Variants in DCC observed in about 807,000 individuals in gnomAD.
DCC encodes the protein netrin receptor DCC.
In DCC, 58 loss-of-function variants were observed where a neutral mutation model predicts 172.5. The observed-to-expected ratio is 0.34, with a 90% confidence interval of 0.27 to 0.42. DCC has a LOEUF of 0.42. Ranked by LOEUF, DCC falls within the 10% of genes least tolerant of loss-of-function variation. The pLI, the probability that DCC is intolerant of heterozygous loss-of-function variation, is 1.00. For synonymous variants in DCC, 709 were observed against 644.5 expected, an observed-to-expected ratio of 1.10 and a Z score of -1.52; for missense variants, 1,740 against 1,791.0, an observed-to-expected ratio of 0.97 and a Z score of 0.51.
At chr18:52,500,335 G>A (rs1178584509) in intron 1 of DCC, among the ~76,000 whole-genome samples, 1 of 152,156 alleles carries the variant, frequency 6.6e-6, no homozygotes, top group African/African-American at 2.4e-5. Flanking sequence ...AACACTTTGA[G>A]CAGAGCTGTT....
chr18:53,388,824 G>A (rs1908354699), intron 16 of DCC, among the ~76,000 whole-genome samples: 1 of 152,066 alleles, frequency 6.6e-6, no homozygotes, highest in Non-Finnish European at 1.5e-5. Context: ...TCATTCTGTT[G>A]CCCAAGCTGG....
intron 5 of DCC, among the ~76,000 whole-genome samples, chr18:53,031,938 G>T (rs1023958678): frequency 1.3e-5 from 2 of 151,976 alleles, no homozygotes; most frequent in Non-Finnish European, 2.9e-5. Flanking sequence ...TCAAAAAGGG[G>T]CATTTTGATG....
intron 5 of DCC, among the ~76,000 whole-genome samples, chr18:52,937,707 T>G (rs1030968464): frequency 6.6e-6 from 1 of 152,058 alleles, no homozygotes; most frequent in African/African-American, 2.4e-5. Flanking sequence ...AGGCTGGTTT[T>G]GAACCCCTGG....
rs114582298 is a variant in DCC, at chr18:52,650,412, G to A, written c.92-101642G>A. Among the ~76,000 whole-genome samples, 224 of 152,252 alleles carry A rather than the reference G, an allele frequency of 1.5e-3. 1 individual carries two copies. The highest frequency in any genetic ancestry group is 5.2e-3 in the African/African-American group (216 of 41,548). On this transcript the variant is annotated intron_variant, in intron 1 of 28. Coordinates refer to ENST00000442544, the MANE Select transcript of DCC (RefSeq NM_005215.4). ...AATGGGTACAATGTACATTATTTGG[G>A]TGATGGTTACACTAAAAGCCCAGAC...
intron 9 of DCC, among the ~76,000 whole-genome samples, chr18:53,203,939 T>G (rs535122613): frequency 1.3e-5 from 2 of 152,266 alleles, no homozygotes; most frequent in African/African-American, 4.8e-5. Context: ...AATACAAAAT[T>G]TGCAGAGAAT....
Position 52,504,502 on chromosome 18 carries a change from CT to C in DCC, c.91+163625del, listed in dbSNP as rs2031156729. ...CTGAACAAGCTAGGGCCTCCTTAGA[CT>C]GATGTTAAACACAAGTAAAGCACAG... On this transcript the variant is annotated intron_variant, in intron 1 of 28. Transcript: ENST00000442544. Among the ~76,000 whole-genome samples the C allele has an allele frequency of 2.6e-5, 4 of 152,146 alleles. No individual in the cohort carries two copies. The South Asian group carries it at 6.2e-4, about 24-fold the overall frequency.
chr18:53,059,583 T>G (rs573617517), intron 5 of DCC, among the ~76,000 whole-genome samples: 326 of 152,176 alleles, frequency 2.1e-3, no homozygotes, highest in Non-Finnish European at 3.8e-3. Context: ...TCAGCGAACT[T>G]GGAAGATATG....
At chr18:52,945,303 A>G (rs947268993) in intron 5 of DCC, among the ~76,000 whole-genome samples, 2 of 152,192 alleles carry the variant, frequency 1.3e-5, no homozygotes, top group African/African-American at 4.8e-5. Context: ...TAAATGTGTT[A>G]TGTTTCTTCT....
intron 2 of DCC, among the ~76,000 whole-genome samples, chr18:52,773,259 C>G (rs1417208015): frequency 6.6e-6 from 1 of 152,160 alleles, no homozygotes; most frequent in Non-Finnish European, 1.5e-5. Context: ...CCTTTGAACT[C>G]TTAATGGTGA....
intron 21 of DCC, among the ~76,000 whole-genome samples, chr18:53,420,187 A>G (rs989927696): frequency 2.0e-5 from 3 of 152,192 alleles, no homozygotes; most frequent in African/African-American, 4.8e-5. Flanking sequence ...CAACTGCATG[A>G]CAACAGATAT....
intron 13 of DCC, among the ~76,000 whole-genome samples, chr18:53,309,308 G>C (rs994881826): frequency 2.0e-5 from 3 of 152,128 alleles, no homozygotes; most frequent in Admixed American, 2.0e-4. Flanking sequence ...CAAAGTGCTA[G>C]GATTATAGGC....
chr18:53,448,047 GTTTTTTTTT>G (rs35238619), intron 22 of DCC, among the ~76,000 whole-genome samples: 1 of 113,756 alleles, frequency 8.8e-6, no homozygotes, highest in East Asian at 2.7e-4. Flanking sequence ...ATTTTGATGA[GTTTTTTTTT>G]TTTTTTTTTT....
chr18:53,037,833 C>T (rs2042117091), intron 5 of DCC, among the ~76,000 whole-genome samples: 1 of 151,726 alleles, frequency 6.6e-6, no homozygotes, highest in African/African-American at 2.4e-5. Context: ...GATGAAAACA[C>T]TTGAAAGGAT....
chr18:53,166,403 G>A (rs1422370810), intron 8 of DCC, among the ~76,000 whole-genome samples: 1 of 152,138 alleles, frequency 6.6e-6, no homozygotes, highest in African/African-American at 2.4e-5. Context: ...TATGTATCAG[G>A]AATGTGTCAG....
chr18:52,654,631 T>A (rs1057299405), intron 1 of DCC, among the ~76,000 whole-genome samples: 1 of 152,140 alleles, frequency 6.6e-6, no homozygotes, highest in African/African-American at 2.4e-5. Flanking sequence ...GGATTAAGGC[T>A]CACCCAAAAA....
chr18:52,444,960 G>C (rs1988077140), intron 1 of DCC, among the ~76,000 whole-genome samples: 1 of 152,068 alleles, frequency 6.6e-6, no homozygotes, highest in African/African-American at 2.4e-5. Flanking sequence ...GTCTCAATGA[G>C]GTCTGTGGTT....
chr18:52,801,983 T>C (rs1288283427), intron 2 of DCC, among the ~76,000 whole-genome samples: 1 of 152,132 alleles, frequency 6.6e-6, no homozygotes, highest in Non-Finnish European at 1.5e-5. Context: ...GCCAAGTTAT[T>C]TTGCATTGCA....
intron 1 of DCC, 91 bp from the exon 2 acceptor site, chr18:52,751,963 T>C: frequency 8.9e-7 from 1 of 1,119,274 alleles, no homozygotes; most frequent in Middle Eastern, 2.0e-4. Flanking sequence ...CCTCAGCTTT[T>C]GTGAAAAGCT....
chr18:52,553,159 G>A (rs186376945), intron 1 of DCC, among the ~76,000 whole-genome samples: 217 of 152,150 alleles, frequency 1.4e-3, no homozygotes, highest in African/African-American at 4.9e-3. Flanking sequence ...TGATTAGAGA[G>A]AAATGTATGT....
Sources: gnomAD v4.1 joint callset for allele counts (sites outside exome capture counted in the v4.1 genomes callset) on GRCh38, gnomAD v4.1.1 for gene constraint, MANE v1.5 for transcripts, NCBI Gene and HGNC (gene_info 2026-07-23, HGNC 2026-07-21) for gene names.